Variants in SF3B1 observed in about 807,000 individuals in gnomAD.
The protein encoded by SF3B1 is pre-mRNA processing 10.
In SF3B1, 12 loss-of-function variants were observed where a neutral mutation model predicts 153.8. That is an observed-to-expected ratio of 0.08 (90% CI 0.05 to 0.13). The LOEUF is 0.13. Among genes scored for constraint, SF3B1 ranks in the 10% least tolerant of loss-of-function variants. The pLI, the probability that SF3B1 is intolerant of heterozygous loss-of-function variation, is 1.00. For synonymous variants in SF3B1, 498 were observed against 525.2 expected, an observed-to-expected ratio of 0.95 and a Z score of 0.71; for missense variants, 513 against 1,606.1, an observed-to-expected ratio of 0.32 and a Z score of 11.63.
rs1253397168 is a variant in SF3B1 at position 197,409,915 on chromosome 2, T to G, written c.759A>C (p.Ile253=). The change falls in exon 7 of 25, where the codon ATA becomes ATC. Residue 253 remains isoleucine, a synonymous_variant. Transcript: ENST00000335508. ...GTGTGTGGCTAGGTGTAGGATCCCA[T>G]ATTTTTGAGCCTGGGGTTGCTCCAG... ...ETPGATPGSK[I]WDPTPSHTPA... 1.9e-6 allele frequency: 3 copies of G among 1,614,170 alleles called. No homozygotes were observed. The South Asian group carries it at 3.3e-5, about 18-fold the overall frequency.
chr2:197,424,115 T>C, intron 1 of SF3B1, 141 bp from the exon 2 acceptor site: 1 of 735,580 alleles, frequency 1.4e-6, no homozygotes, highest in African/African-American at 1.8e-5. Flanking sequence ...AAGAGACTAG[T>C]AATCACAACA....
chr2:197,419,970 G>C, intron 4 of SF3B1: 1 of 224,424 alleles, frequency 4.5e-6, no homozygotes, highest in Non-Finnish European at 8.9e-6. Flanking sequence ...CTTTAAGTAT[G>C]CTTAGAGCAA....
At chr2:197,427,996 C>T (rs1250506561) in intron 1 of SF3B1, among the ~76,000 whole-genome samples, 2 of 151,250 alleles carry the variant, frequency 1.3e-5, no homozygotes, top group South Asian at 2.1e-4. Context: ...CCAACCTAGG[C>T]GACAGAGCAA....
chr2:197,421,224 G>T, intron 2 of SF3B1, 91 bp from the exon 3 acceptor site: 2 of 843,886 alleles, frequency 2.4e-6, no homozygotes, highest in South Asian at 1.5e-5. Context: ...GAAATCAAAA[G>T]ATCTATTGAC....
At chr2:197,410,052 T>G (rs1163905451) in intron 6 of SF3B1, 45 bp from the exon 7 acceptor site, 2 of 1,282,178 alleles carry the variant, frequency 1.6e-6, no homozygotes, top group Non-Finnish European at 2.2e-6. Flanking sequence ...CACACAGAAA[T>G]AATTAGAAAA....
intron 4 of SF3B1, 91 bp from the exon 5 acceptor site, chr2:197,418,679 G>C: frequency 6.7e-7 from 1 of 1,496,290 alleles, no homozygotes; most frequent in Non-Finnish European, 8.9e-7. Flanking sequence ...TAAATATTAT[G>C]TTATTCCATA....
intron 7 of SF3B1, 63 bp downstream of exon 7, chr2:197,409,707 A>G (rs889469870): frequency 2.3e-6 from 3 of 1,278,876 alleles, no homozygotes; most frequent in Non-Finnish European, 3.4e-6. Flanking sequence ...AACAGAACAC[A>G]TTTCAGTCTG....
intron 23 of SF3B1, 39 bp downstream of exon 23, chr2:197,396,017 G>GTTATAATTATTTTCTTGTAT: frequency 6.6e-7 from 1 of 1,511,826 alleles, no homozygotes; most frequent in Non-Finnish European, 9.1e-7. Flanking sequence ...TGAAGGAAGA[G>GTTATAATTATTTTCTTGTAT]TTATAATTAT....
At position 197,405,377 on chromosome 2, in the gene SF3B1, G is replaced by A; in HGVS notation, c.1335C>T (p.His445=). 1 of 1,613,944 alleles carries A rather than the reference G, an allele frequency of 6.2e-7. No homozygotes were observed. Among genetic ancestry groups the A allele is most frequent in the Non-Finnish European group, 8.5e-7 (1 of 1,179,892 alleles). Residue 445 remains histidine (H), a synonymous_variant, in exon 10 of 25, where the codon CAC becomes CAT. Transcript: ENST00000335508. The stretch of plus-strand genomic sequence containing the variant: ...TCATAGTTCGATCTTCAGTTTGCAT[G>A]TGGAAACCAGTCATACCACCCAAAG... The part of the protein sequence containing the change: ...PTPLGGMTGF[H]MQTEDRTMKS...
rs902301621 is a variant in SF3B1 at position 197,429,511 on chromosome 2, C to T, written c.28+5461G>A. ...TTAATAACACTAAGGCAGGCCGGCA[C>T]GGTGGCTCACGCCTGTAATCCCAGC... On this transcript the variant is annotated intron_variant, in intron 1 of 24. Coordinates refer to ENST00000335508, the MANE Select transcript of SF3B1 (RefSeq NM_012433.4). Among the ~76,000 whole-genome samples, 4 of 152,084 alleles carry T rather than the reference C, an allele frequency of 2.6e-5. No homozygotes were observed. The East Asian group carries it at 7.7e-4, about 29-fold the overall frequency.
chr2:197,426,468 T>A (rs1031785245), intron 1 of SF3B1, among the ~76,000 whole-genome samples: 1 of 151,562 alleles, frequency 6.6e-6, no homozygotes, highest in Non-Finnish European at 1.5e-5. Context: ...GCTTCAGGCT[T>A]TTTTTTTAAA....
intron 1 of SF3B1, among the ~76,000 whole-genome samples, chr2:197,428,858 G>A (rs2085377997): frequency 1.3e-5 from 2 of 152,044 alleles, no homozygotes; most frequent in Non-Finnish European, 2.9e-5. Flanking sequence ...TCACAGCACT[G>A]CACTCTGGCC....
rs528077915 is a variant in SF3B1 at position 197,433,026 on chromosome 2, G to A, written c.28+1946C>T. On this transcript the variant is annotated intron_variant, in intron 1 of 24. Transcript: ENST00000335508. ...TATAACATTTATACTGAGTACTATA[G>A]CAGCACTGCCCCAAAAAGCATTAAT... Among the ~76,000 whole-genome samples the A allele has an allele frequency of 2.0e-5, 3 of 152,212 alleles. No homozygotes were observed. In the South Asian group the frequency reaches 6.2e-4, roughly 32 times the overall value.
Position 197,392,350 on chromosome 2 carries a change from C to T in SF3B1, c.3868G>A (p.Asp1290Asn), listed in dbSNP as rs1343669359. The change falls in exon 25 of 25, where the codon GAT (aspartate) becomes AAT (asparagine). Residue 1290 changes from aspartate to asparagine, a missense_variant. Asp to Asn is a conservative substitution (Grantham distance 23). Around this residue, in one of 21 missense-constraint regions of SF3B1, gnomAD observed 33 missense variants for 43.5 expected, o/e 0.76. Transcript: ENST00000335508. The part of the protein sequence containing the change: ...LIAHYPRIYN[D>N]DKNTYIRYEL... Reference sequence around the variant, plus strand: ...TAACGAATATAGGTGTTCTTATCATCGTTGTAGATTCTTGGGTAATGTGCT... The same window carrying T: ...TAACGAATATAGGTGTTCTTATCATTGTTGTAGATTCTTGGGTAATGTGCT... The T allele has an allele frequency of 4.6e-6, 7 of 1,528,096 alleles. No individual in the cohort carries two copies. The highest frequency in any genetic ancestry group is 6.4e-6 in the Non-Finnish European group (7 of 1,102,300). 94.7% of individuals were successfully genotyped at this position (1,528,096 alleles called of 1,614,324 possible). A position where few individuals can be genotyped will look rare whatever the true frequency, so the allele number is the denominator to read the frequency against.
intron 5 of SF3B1, 73 bp downstream of exon 5, chr2:197,418,436 C>G: frequency 8.8e-7 from 1 of 1,136,326 alleles, no homozygotes; most frequent in Admixed American, 2.2e-5. Flanking sequence ...AAAAAAGAAA[C>G]CTAACAGTCT....
chr2:197,423,258 G>C, intron 2 of SF3B1, among the ~76,000 whole-genome samples: 1 of 151,592 alleles, frequency 6.6e-6, no homozygotes, highest in Admixed American at 6.6e-5. Flanking sequence ...ATGGTAGCAG[G>C]CGCCTGTAAT....
chr2:197,434,897 G>A, intron 1 of SF3B1, 75 bp downstream of exon 1: 1 of 1,495,794 alleles, frequency 6.7e-7, no homozygotes, highest in Non-Finnish European at 9.3e-7. Context: ...CATAGAAAAA[G>A]GCAGAATCCT....
chr2:197,426,183 T>C (rs2085333993), intron 1 of SF3B1, among the ~76,000 whole-genome samples: 1 of 151,994 alleles, frequency 6.6e-6, no homozygotes, highest in Non-Finnish European at 1.5e-5. Flanking sequence ...TATCCTCACA[T>C]GAGCAGGGTG....
At chr2:197,414,915 G>A (rs568878850) in intron 6 of SF3B1, among the ~76,000 whole-genome samples, 4 of 151,998 alleles carry the variant, frequency 2.6e-5, no homozygotes, top group African/African-American at 9.7e-5. Flanking sequence ...GAGGTGGGAA[G>A]ATCATTTGAG....
Sources: allele counts gnomAD v4.1 joint callset (sites outside exome capture counted in the v4.1 genomes callset), GRCh38; gene constraint gnomAD v4.1.1; regional missense constraint gnomAD v4.1.1; transcripts MANE v1.5; gene names NCBI Gene and HGNC (gene_info 2026-07-23, HGNC 2026-07-21).